Variants in SNAP47 observed in about 807,000 individuals in gnomAD.
SNAP47 encodes synaptosomal-associated protein 47.
A neutral mutation model predicts 31.4 loss-of-function variants in SNAP47; 20 were observed. The ratio of observed to expected loss-of-function variants is 0.64; its 90% CI spans 0.45 to 0.93. The LOEUF (loss-of-function observed/expected upper bound fraction) is 0.93, where lower values mean the gene tolerates loss of function less well. Among genes scored for constraint, SNAP47 ranks in the 40% least tolerant of loss-of-function variants. The probability of loss-of-function intolerance (pLI) is 0.00; values close to 1 mark genes in which losing one functional copy is unlikely to be tolerated. For synonymous variants in SNAP47, 194 were observed against 213.4 expected (o/e 0.91, Z 0.79); for missense variants, 492 against 528.5 (o/e 0.93, Z 0.68).
At chr1:227,734,542 G>A (rs963261238), upstream of SNAP47, 9 of 1,001,824 alleles carry the variant, frequency 9.0e-6, no homozygotes, top group Middle Eastern at 3.3e-4. Context: ...GTGCCTCACG[G>A]GGAAAAATAG....
intron 4 of SNAP47, chr1:227,776,997 A>G (rs1478821683): frequency 3.0e-6 from 3 of 985,292 alleles, no homozygotes; most frequent in African/African-American, 1.7e-5. Context: ...TCACAAATAA[A>G]TTGTGCATAT....
Position 227,762,411 on chromosome 1 carries a change from G to A in SNAP47, c.988+2926G>A, listed in dbSNP as rs975460181. 6.6e-6 allele frequency among the ~76,000 whole-genome samples: 1 copy of A among 152,234 alleles called. No homozygotes were observed. The highest frequency in any genetic ancestry group is 1.5e-5 in the Non-Finnish European group (1 of 68,032). On this transcript the variant is annotated intron_variant, in intron 3 of 4. Coordinates refer to ENST00000617596, the MANE Select transcript of SNAP47 (RefSeq NM_053052.4). This position sits in a 1 kb window ranked among gnomAD's most constrained non-coding sequence, Gnocchi z 4.2. ...GAGCTCAGTAGTCTGTGGGGCACTT[G>A]TGGCTCTGAGGCCTTGCCTCTGCCT...
At chr1:227,753,187 G>C (rs1662487169) in intron 2 of SNAP47, among the ~76,000 whole-genome samples, 1 of 152,152 alleles carries the variant, frequency 6.6e-6, no homozygotes, top group South Asian at 2.1e-4. Flanking sequence ...TGGCTATAGT[G>C]AAGCATGCTG....
At chr1:227,734,052 G>A (rs1660873973), upstream of SNAP47, 1 of 1,609,274 alleles carries the variant, frequency 6.2e-7, no homozygotes, top group Admixed American at 1.7e-5. Context: ...GGGCGCAAGG[G>A]CACCACCGAC....
At chr1:227,735,686 C>A in intron 1 of SNAP47, 187 bp downstream of exon 1, 1 of 984,598 alleles carries the variant, frequency 1.0e-6, no homozygotes. Flanking sequence ...GGCGGGAGTG[C>A]GGCGGTGCGG....
At chr1:227,736,401 A>C (rs1661164673) in intron 1 of SNAP47, 1 of 150,722 alleles carries the variant, frequency 6.6e-6, no homozygotes, top group Non-Finnish European at 1.5e-5. Context: ...AACTGGAGTT[A>C]CCCCAAAAGT....
chr1:227,780,836 G>GCATGGTGCACACC lies in SNAP47; in HGVS notation c.*163_*164insCATGGTGCACACC. 1.0e-6 allele frequency: 1 copy of GCATGGTGCACACC among 953,062 alleles called. No homozygotes were observed. The highest frequency in any genetic ancestry group is 1.7e-5 in the African/African-American group (1 of 60,518). 59.0% of individuals were successfully genotyped at this position (953,062 alleles called of 1,614,324 possible). A position where few individuals can be genotyped will look rare whatever the true frequency, so the allele number is the denominator to read the frequency against. ...GCTTCTGCACCAGGGGCCTCCCCAG[G>GCATGGTGCACACC]TGTGCACCATGCCTGCCTCCCACTT... On this transcript the variant is annotated 3_prime_UTR_variant, in exon 5 of 5. Transcript: ENST00000617596.
In SNAP47 at chr1:227,762,496, T is replaced by C. The variant is rs1172411756; in HGVS notation, c.988+3011T>C. Among the ~76,000 whole-genome samples, 2 of 152,216 alleles carry C rather than the reference T, an allele frequency of 1.3e-5. No homozygotes were observed. The highest frequency in any genetic ancestry group is 2.9e-5 in the Non-Finnish European group (2 of 68,026). On this transcript the variant is annotated intron_variant, in intron 3 of 4. Transcript: ENST00000617596. The surrounding 1 kb of genome is among the most constrained non-coding windows in gnomAD (Gnocchi z 4.2). ...GGACTCTGTGCCAGCTTCCCTGTGTTTACTGCTCTCAGCTGGAAACTGTGG... is the reference window on the plus strand; with the variant it reads ...GGACTCTGTGCCAGCTTCCCTGTGTCTACTGCTCTCAGCTGGAAACTGTGG...
intron 1 of SNAP47, among the ~76,000 whole-genome samples, chr1:227,744,996 G>A (rs560579062): frequency 1.5e-4 from 23 of 152,214 alleles, no homozygotes; most frequent in Admixed American, 7.2e-4. Flanking sequence ...CTGTATTGTC[G>A]GTGAGAGGAA....
intron 2 of SNAP47, 111 bp from the exon 3 acceptor site, chr1:227,758,879 AAGTAG>A: frequency 7.8e-7 from 1 of 1,277,498 alleles, no homozygotes; most frequent in Non-Finnish European, 1.1e-6. Flanking sequence ...TGTGGAAATG[AAGTAG>A]AGTAAAATGG....
chr1:227,769,270 G>A (rs538373753), intron 4 of SNAP47, among the ~76,000 whole-genome samples: 3 of 152,312 alleles, frequency 2.0e-5, no homozygotes, highest in South Asian at 4.2e-4. Flanking sequence ...GTGGCAGAGC[G>A]GGAGGAAGCA....
upstream of SNAP47, chr1:227,733,671 G>C (rs753697884): frequency 6.2e-6 from 10 of 1,600,702 alleles, no homozygotes; most frequent in Non-Finnish European, 5.1e-6. Flanking sequence ...ATGTCAGCAT[G>C]GAACGGGGAC....
intron 3 of SNAP47, among the ~76,000 whole-genome samples, chr1:227,764,735 G>A (rs1663280250): frequency 6.6e-6 from 1 of 152,058 alleles, no homozygotes; most frequent in Non-Finnish European, 1.5e-5. Context: ...GAAGCCCCAT[G>A]TTACTAAAAA....
chr1:227,745,692 G>GATCAGTGTCC (rs1308562957), intron 1 of SNAP47: 1 of 152,206 alleles, frequency 6.6e-6, no homozygotes, highest in Non-Finnish European at 1.5e-5. Flanking sequence ...ACACATGGTG[G>GATCAGTGTCC]ATCAGTGTCA....
In SNAP47 at chr1:227,751,233, G is replaced by T. The variant is rs114560762; in HGVS notation, c.497+3000G>T. Among the ~76,000 whole-genome samples, 616 of 152,272 alleles carry T rather than the reference G, an allele frequency of 4.0e-3. 6 individuals are homozygous for T. The highest frequency in any genetic ancestry group is 0.014 in the African/African-American group (585 of 41,546). The stretch of plus-strand genomic sequence containing the variant: ...GGCCGTCCTATGTTCACCTGCGTCG[G>T]CCTGCACCGCCACGTCTCTCTCCTG... On this transcript the variant is annotated intron_variant, in intron 2 of 4. Transcript: ENST00000617596.
chr1:227,757,943 A>AT (rs145670094), intron 2 of SNAP47, among the ~76,000 whole-genome samples: 1,674 of 152,262 alleles, frequency 0.011, 33 homozygotes, highest in African/African-American at 0.039. Flanking sequence ...ATACCCACTG[A>AT]TTCTGTTCTC....
chr1:227,746,846 G>T (rs1661994143), intron 1 of SNAP47: 1 of 152,262 alleles, frequency 6.6e-6, no homozygotes, highest in Non-Finnish European at 1.5e-5. Context: ...GGCATCCCCG[G>T]CCTGGCTCTG....
intron 3 of SNAP47, among the ~76,000 whole-genome samples, chr1:227,761,574 G>A (rs1383895738): frequency 2.6e-5 from 4 of 152,156 alleles, no homozygotes; most frequent in African/African-American, 7.2e-5. Flanking sequence ...GTGTCCTAGT[G>A]GGAGACAGGC....
intron 1 of SNAP47, chr1:227,736,588 G>A (rs996319461): frequency 7.8e-5 from 11 of 140,768 alleles, no homozygotes; most frequent in African/African-American, 3.0e-4. Context: ...TCCACCTCCT[G>A]GGCTTGATGA....
Sources: gnomAD v4.1 joint callset for allele counts (sites outside exome capture counted in the v4.1 genomes callset) on GRCh38, gnomAD v4.1.1 for gene constraint, Gnocchi (gnomAD v3.1) non-coding constraint, MANE v1.5 for transcripts, NCBI Gene and HGNC (gene_info 2026-07-23, HGNC 2026-07-21) for gene names.